Variants in PLXDC2 observed in about 807,000 individuals in gnomAD.
PLXDC2 encodes the protein plexin domain-containing protein 2.
Under a neutral mutation model 68.9 loss-of-function variants are expected in PLXDC2, and 40 were observed. That is an observed-to-expected ratio of 0.58 (90% CI 0.45 to 0.76). PLXDC2 has a LOEUF of 0.76. Among genes scored for constraint, PLXDC2 ranks in the 30% least tolerant of loss-of-function variants. The probability of loss-of-function intolerance (pLI) is 0.00; values close to 1 mark genes in which losing one functional copy is unlikely to be tolerated. For synonymous variants in PLXDC2, 243 were observed against 234.2 expected, an observed-to-expected ratio of 1.04 and a Z score of -0.34; for missense variants, 644 against 661.9, an observed-to-expected ratio of 0.97 and a Z score of 0.30.
At chr10:20,076,147 C>G (rs966050241) in intron 4 of PLXDC2, among the ~76,000 whole-genome samples, 2 of 152,178 alleles carry the variant, frequency 1.3e-5, no homozygotes, top group Non-Finnish European at 2.9e-5. Context: ...GCCAGATGCT[C>G]TAACATTGTC....
intron 1 of PLXDC2, among the ~76,000 whole-genome samples, chr10:19,957,364 G>T (rs68130643): frequency 0.15 from 23,114 of 152,010 alleles, 1,930 homozygotes; most frequent in South Asian, 0.24. Context: ...TAAATAAAAA[G>T]ATCTGAGTTT....
intron 1 of PLXDC2, among the ~76,000 whole-genome samples, chr10:19,864,416 T>A (rs1837376882): frequency 6.6e-6 from 1 of 152,238 alleles, no homozygotes; most frequent in South Asian, 2.1e-4. Flanking sequence ...TCTGAAACTA[T>A]CACTTGGAAA....
chr10:20,265,248 A>T (rs1370999131), intron 13 of PLXDC2, among the ~76,000 whole-genome samples: 5 of 152,184 alleles, frequency 3.3e-5, no homozygotes, highest in African/African-American at 4.8e-5. Context: ...TCTTTCCGAG[A>T]TGAGCTTCAG....
intron 6 of PLXDC2, among the ~76,000 whole-genome samples, chr10:20,151,791 A>G (rs569449206): frequency 5.6e-4 from 86 of 152,226 alleles, no homozygotes; most frequent in Non-Finnish European, 1.2e-3. Flanking sequence ...GTTCCTGTCC[A>G]AGCTAAACTT....
chr10:20,056,742 A>G (rs1305985509), intron 3 of PLXDC2, among the ~76,000 whole-genome samples: 1 of 152,042 alleles, frequency 6.6e-6, no homozygotes, highest in African/African-American at 2.4e-5. Flanking sequence ...ATTTAATCTT[A>G]TTTCTTCATC....
At chr10:20,036,347 G>A (rs1835578946) in intron 2 of PLXDC2, among the ~76,000 whole-genome samples, 1 of 152,164 alleles carries the variant, frequency 6.6e-6, no homozygotes, top group Non-Finnish European at 1.5e-5. Context: ...GACACAGGGA[G>A]AAAGCAGCCC....
At chr10:20,003,162 A>G (rs1834970472) in intron 2 of PLXDC2, among the ~76,000 whole-genome samples, 1 of 152,176 alleles carries the variant, frequency 6.6e-6, no homozygotes, top group Non-Finnish European at 1.5e-5. Flanking sequence ...AAATCACAAA[A>G]TATGATCTTG....
At position 19,816,661 on chromosome 10, in the gene PLXDC2, C is replaced by G. The variant is rs1396519894; in HGVS notation, c.-419C>G. On this transcript the variant is annotated 5_prime_UTR_variant, in exon 1 of 14. Transcript: ENST00000377252. Reference sequence around the variant, plus strand: ...CCAGCCCTAGTGGATCTGGGGCAGGCAGCGGCGCTGGCTGTGGAATTAGAT... The same window carrying G: ...CCAGCCCTAGTGGATCTGGGGCAGGGAGCGGCGCTGGCTGTGGAATTAGAT... 8.4e-6 allele frequency: 2 copies of G among 238,724 alleles called. No individual in the cohort carries two copies. Among genetic ancestry groups the G allele is most frequent in the African/African-American group, 2.2e-5 (1 of 44,504 alleles). 14.8% of individuals were successfully genotyped at this position (238,724 alleles called of 1,614,324 possible). A position where few individuals can be genotyped will look rare whatever the true frequency, so the allele number is the denominator to read the frequency against.
Position 19,886,770 on chromosome 10 carries a change from G to A in PLXDC2, c.112+69579G>A, listed in dbSNP as rs192859467. On this transcript the variant is annotated intron_variant, in intron 1 of 13. Transcript: ENST00000377252. ...ATTCAACATAGTGTTGGAAGTTCTG[G>A]CCAGGGCAATAAATAAGATTTTTAT... 6.6e-5 allele frequency among the ~76,000 whole-genome samples: 10 copies of A among 152,202 alleles called. No individual in the cohort carries two copies. The East Asian group carries it at 1.9e-3, about 29-fold the overall frequency.
intron 4 of PLXDC2, among the ~76,000 whole-genome samples, chr10:20,130,101 C>A (rs1336319403): frequency 2.0e-5 from 3 of 151,702 alleles, no homozygotes; most frequent in African/African-American, 4.8e-5. Flanking sequence ...TGCTTTGGGT[C>A]ACATGGAAAG....
chr10:20,122,581 A>T (rs1589640044), intron 4 of PLXDC2, among the ~76,000 whole-genome samples: 1 of 152,204 alleles, frequency 6.6e-6, no homozygotes, highest in East Asian at 1.9e-4. Flanking sequence ...CCTGGGCTGC[A>T]GGCATTCCTT....
At chr10:20,156,299 C>G (rs754282413) in intron 6 of PLXDC2, among the ~76,000 whole-genome samples, 2 of 152,272 alleles carry the variant, frequency 1.3e-5, no homozygotes, top group South Asian at 2.1e-4. Context: ...AGTCTTAACT[C>G]AGAGGGCACA....
Position 20,264,512 on chromosome 10 carries a change from A to C in PLXDC2, c.1474-15191A>C, listed in dbSNP as rs192667040. Among the ~76,000 whole-genome samples, 5 of 152,328 alleles carry C rather than the reference A, an allele frequency of 3.3e-5. No individual in the cohort carries two copies. The South Asian group carries it at 8.3e-4, about 25-fold the overall frequency. ...TAAAAACGCTAAGGAACTATTTTAAAACTAGCTAAAAAGCATAAAGAAAGT... is the reference window on the plus strand; with the variant it reads ...TAAAAACGCTAAGGAACTATTTTAACACTAGCTAAAAAGCATAAAGAAAGT... On this transcript the variant is annotated intron_variant, in intron 13 of 13. Coordinates refer to ENST00000377252, the MANE Select transcript of PLXDC2 (RefSeq NM_032812.9).
chr10:20,122,146 A>G (rs1018821170), intron 4 of PLXDC2, among the ~76,000 whole-genome samples: 51 of 152,194 alleles, frequency 3.4e-4, no homozygotes, highest in African/African-American at 1.0e-3. Flanking sequence ...TAATAAGGGA[A>G]CTGGGCAGGT....
intron 1 of PLXDC2, among the ~76,000 whole-genome samples, chr10:19,913,648 T>A (rs1451434945): frequency 1.3e-5 from 2 of 152,166 alleles, no homozygotes; most frequent in East Asian, 3.8e-4. Context: ...CACTGTAGTG[T>A]TTTGATCAAT....
At chr10:20,103,415 GCC>G (rs1833447966) in intron 4 of PLXDC2, among the ~76,000 whole-genome samples, 1 of 152,058 alleles carries the variant, frequency 6.6e-6, no homozygotes, top group Non-Finnish European at 1.5e-5. Context: ...CTTTGAAAAA[GCC>G]CTGGGCACAG....
chr10:19,834,368 T>C (rs1380033782), intron 1 of PLXDC2, among the ~76,000 whole-genome samples: 2 of 151,788 alleles, frequency 1.3e-5, no homozygotes, highest in Admixed American at 6.6e-5. Flanking sequence ...TGTGTGTGTC[T>C]GTGTGTGTCT....
At chr10:20,067,958 G>A (rs1444564681) in intron 3 of PLXDC2, among the ~76,000 whole-genome samples, 1 of 152,172 alleles carries the variant, frequency 6.6e-6, no homozygotes, top group Non-Finnish European at 1.5e-5. Flanking sequence ...ATGCCGTGGT[G>A]ATGTTAACTT....
In PLXDC2 at chr10:20,051,395, A is replaced by AAT. The variant is rs57093355; in HGVS notation, c.471+4427_471+4428dup. 5.9e-3 allele frequency among the ~76,000 whole-genome samples: 697 copies of AAT among 118,134 alleles called. 9 individuals carry two copies. Among genetic ancestry groups the AAT allele is most frequent in the South Asian group, 0.011 (34 of 3,120 alleles). 77.5% of individuals were successfully genotyped at this position (118,134 alleles called of 152,430 possible). A position where few individuals can be genotyped will look rare whatever the true frequency, so the allele number is the denominator to read the frequency against. On this transcript the variant is annotated intron_variant, in intron 3 of 13. Coordinates refer to ENST00000377252, the MANE Select transcript of PLXDC2 (RefSeq NM_032812.9). Reference sequence around the variant, plus strand: ...ACTGCTGACCCTAAAATAAAGGTTAAATATATATATATATATATATATATA... The same window carrying AAT: ...ACTGCTGACCCTAAAATAAAGGTTAAATATATATATATATATATATATATATA...
Sources: allele counts gnomAD v4.1 joint callset (sites outside exome capture counted in the v4.1 genomes callset), GRCh38; gene constraint gnomAD v4.1.1; transcripts MANE v1.5; gene names NCBI Gene and HGNC (gene_info 2026-07-23, HGNC 2026-07-21).